GSK3B: variants seen among roughly 807,000 people sequenced by gnomAD.
GSK3B encodes glycogen synthase kinase-3 beta.
In GSK3B, 15 loss-of-function variants were observed where a neutral mutation model predicts 56.4. The ratio of observed to expected loss-of-function variants is 0.27; its 90% confidence interval spans 0.18 to 0.41. GSK3B has a LOEUF of 0.41. GSK3B is among the 10% of genes least tolerant of loss of function. The pLI is 1.00. For synonymous variants in GSK3B, 181 were observed against 188.9 expected, an observed-to-expected ratio of 0.96 and a Z score of 0.34; for missense variants, 300 against 513.4, an observed-to-expected ratio of 0.58 and a Z score of 4.02.
At chr3:120,086,849 G>GA (rs1380080030) in intron 1 of GSK3B, among the ~76,000 whole-genome samples, 1 of 151,540 alleles carries the variant, frequency 6.6e-6, no homozygotes, top group African/African-American at 2.4e-5. Context: ...ACAATTATCA[G>GA]AATGATTTAC....
chr3:119,997,046 A>T (rs980471080), intron 2 of GSK3B, among the ~76,000 whole-genome samples: 2 of 152,222 alleles, frequency 1.3e-5, no homozygotes, highest in Admixed American at 1.3e-4. Context: ...GTCTAATCAT[A>T]ATAAAAACTG....
intron 2 of GSK3B, among the ~76,000 whole-genome samples, chr3:119,961,869 C>T: frequency 6.6e-6 from 1 of 152,106 alleles, no homozygotes; most frequent in East Asian, 1.9e-4. Context: ...AGATATTCAA[C>T]ACTTTATTAT....
chr3:119,830,386 A>G (rs2055580335), intron 10 of GSK3B, among the ~76,000 whole-genome samples: 1 of 152,238 alleles, frequency 6.6e-6, no homozygotes, highest in South Asian at 2.1e-4. Context: ...TGAATTAATG[A>G]GCTTTCTATT....
At chr3:119,843,426 G>C (rs138540373) in intron 9 of GSK3B, 73 bp from the exon 10 acceptor site, 4 of 790,822 alleles carry the variant, frequency 5.1e-6, no homozygotes, top group Non-Finnish European at 8.4e-6. Flanking sequence ...ATTGGTAAGA[G>C]TGAAAATAAG....
intron 1 of GSK3B, chr3:120,029,361 A>G: frequency 2.6e-6 from 2 of 761,008 alleles, no homozygotes; most frequent in East Asian, 2.5e-5. Context: ...TTCTTTTCCA[A>G]TGTTGCTGTC....
chr3:119,866,932 A>C (rs1222744563), intron 8 of GSK3B, among the ~76,000 whole-genome samples: 1 of 152,198 alleles, frequency 6.6e-6, no homozygotes, highest in East Asian at 1.9e-4. Context: ...TTATTAAAAA[A>C]ATACAAAACC....
intron 2 of GSK3B, among the ~76,000 whole-genome samples, chr3:119,956,742 AT>A (rs2057218135): frequency 6.6e-6 from 1 of 152,214 alleles, no homozygotes; most frequent in African/African-American, 2.4e-5. Flanking sequence ...TCAAGAAAAG[AT>A]TCTGGAGAAT....
intron 2 of GSK3B, among the ~76,000 whole-genome samples, chr3:119,969,572 A>G (rs1401952450): frequency 6.6e-6 from 1 of 152,202 alleles, no homozygotes; most frequent in African/African-American, 2.4e-5. Context: ...GCCGAATGAC[A>G]GTACCTGACT....
intron 3 of GSK3B, among the ~76,000 whole-genome samples, chr3:119,925,769 C>G (rs1394117363): frequency 6.6e-6 from 1 of 152,054 alleles, no homozygotes; most frequent in Non-Finnish European, 1.5e-5. Context: ...TCTCCTTAAG[C>G]TGGCTTTCTC....
intron 1 of GSK3B, among the ~76,000 whole-genome samples, chr3:120,071,843 T>C (rs375800639): frequency 6.6e-6 from 1 of 152,208 alleles, no homozygotes; most frequent in Admixed American, 6.5e-5. Flanking sequence ...CAAGAAGGTT[T>C]GGGACCACTG....
chr3:120,070,896 A>C (rs1006073548), intron 1 of GSK3B, among the ~76,000 whole-genome samples: 39 of 152,328 alleles, frequency 2.6e-4, no homozygotes, highest in African/African-American at 8.7e-4. Flanking sequence ...GTTCTGCCTC[A>C]TTATTAGTTT....
rs192645769 is a variant in GSK3B at position 119,900,043 on chromosome 3, T to C, written c.813+5712A>G. Among the ~76,000 whole-genome samples, 49 of 152,222 alleles carry C rather than the reference T, an allele frequency of 3.2e-4. 1 individual carries two copies. In the East Asian group the frequency reaches 9.2e-3, roughly 29 times the overall value. Reference sequence around the variant, plus strand: ...CCTGTGTAAAAGCTATCTACATAGATATCTAGGTTGGTTAATTAATGTTAA... The same window carrying C: ...CCTGTGTAAAAGCTATCTACATAGACATCTAGGTTGGTTAATTAATGTTAA... On this transcript the variant is annotated intron_variant, in intron 7 of 10. Coordinates refer to ENST00000264235, the MANE Select transcript of GSK3B (RefSeq NM_001146156.2).
chr3:119,902,376 G>A (rs1433141384), intron 7 of GSK3B, among the ~76,000 whole-genome samples: 1 of 151,858 alleles, frequency 6.6e-6, no homozygotes, highest in Non-Finnish European at 1.5e-5. Context: ...AGGAAGGAAG[G>A]AGAAAGAAAA....
At chr3:120,051,127 CTTTTT>C (rs72305100) in intron 1 of GSK3B, among the ~76,000 whole-genome samples, 1 of 138,676 alleles carries the variant, frequency 7.2e-6, no homozygotes, top group Admixed American at 7.3e-5. Flanking sequence ...CTATCAATTT[CTTTTT>C]TTTTTTTTTT....
chr3:119,910,193 T>C (rs968040505), intron 6 of GSK3B, among the ~76,000 whole-genome samples: 2 of 152,170 alleles, frequency 1.3e-5, no homozygotes, highest in African/African-American at 4.8e-5. Flanking sequence ...TAAAAGCTAT[T>C]AGCTTTATGA....
rs865888322 is a variant in GSK3B, at chr3:119,883,631, T to C, written c.814-7123A>G. Among the ~76,000 whole-genome samples, 8 of 152,284 alleles carry C rather than the reference T, an allele frequency of 5.3e-5. No individual in the cohort carries two copies. In the South Asian group the frequency reaches 1.7e-3, roughly 32 times the overall value. On this transcript the variant is annotated intron_variant, in intron 7 of 10. Transcript: ENST00000264235. ...ACAAAAATGGGTAGAAGACTGTGTT[T>C]GGCCCCTGGACCCTACTGTGTTGAC... is the stretch of plus-strand genomic sequence containing the variant.
intron 1 of GSK3B, among the ~76,000 whole-genome samples, chr3:120,042,472 T>C (rs1384806512): frequency 6.6e-6 from 1 of 152,144 alleles, no homozygotes; most frequent in Non-Finnish European, 1.5e-5. Context: ...AAACAAACTA[T>C]AAAAGAGATT....
At chr3:119,904,673 A>G (rs2056664292) in intron 7 of GSK3B, among the ~76,000 whole-genome samples, 1 of 152,198 alleles carries the variant, frequency 6.6e-6, no homozygotes, top group African/African-American at 2.4e-5. Context: ...TACAATAAAA[A>G]CTAAATTCAA....
At chr3:119,862,670 T>A (rs927574098) in intron 9 of GSK3B, among the ~76,000 whole-genome samples, 2 of 138,644 alleles carry the variant, frequency 1.4e-5, no homozygotes, top group Non-Finnish European at 3.0e-5. Context: ...ATTTCTTGTT[T>A]TTTTTTTTTT....
Sources: allele counts gnomAD v4.1 joint callset (sites outside exome capture counted in the v4.1 genomes callset), GRCh38; gene constraint gnomAD v4.1.1; transcripts MANE v1.5; gene names NCBI Gene and HGNC (gene_info 2026-07-23, HGNC 2026-07-21).